Variants in JCAD observed in about 807,000 individuals in gnomAD.
JCAD encodes junctional cadherin 5 associated.
JCAD carries 40 observed loss-of-function variants against 98.0 expected under a neutral mutation model. The observed-to-expected ratio is 0.41, with a 90% CI of 0.32 to 0.53. The LOEUF is 0.53. Among genes scored for constraint, JCAD ranks in the 20% least tolerant of loss-of-function variants. JCAD has a pLI of 0.31. For missense variants in JCAD, 1,705 were observed against 1,738.1 expected (o/e 0.98, Z 0.34); for synonymous variants, 691 against 682.3 (o/e 1.01, Z -0.20).
chr10:30,038,441 T>A (rs1237352803), intron 2 of JCAD, among the ~76,000 whole-genome samples: 1 of 151,970 alleles, frequency 6.6e-6, no homozygotes, highest in Non-Finnish European at 1.5e-5. Context: ...CCCAGCACTT[T>A]GAGACGCTGA....
chr10:30,095,807 C>T (rs1242834591), intron 1 of JCAD, among the ~76,000 whole-genome samples: 1 of 152,044 alleles, frequency 6.6e-6, no homozygotes, highest in African/African-American at 2.4e-5. Flanking sequence ...TTCTATAAGC[C>T]CAGCCTTGCC....
upstream of JCAD, among the ~76,000 whole-genome samples, chr10:30,062,849 C>T (rs1031735194): frequency 6.6e-6 from 1 of 152,132 alleles, no homozygotes; most frequent in African/African-American, 2.4e-5. Flanking sequence ...ACTATTACAA[C>T]CCAAGGTGAG....
intron 1 of JCAD, among the ~76,000 whole-genome samples, chr10:30,099,870 C>T (rs1243917057): frequency 2.0e-5 from 3 of 152,170 alleles, no homozygotes; most frequent in Admixed American, 2.0e-4. Context: ...TCCACCCTGA[C>T]TCATTGCGAT....
chr10:30,092,636 T>C (rs1284403685), intron 1 of JCAD, among the ~76,000 whole-genome samples: 1 of 152,128 alleles, frequency 6.6e-6, no homozygotes, highest in African/African-American at 2.4e-5. Context: ...CTCCTTCCTG[T>C]GGGCAGGATG....
At position 30,029,187 on chromosome 10, in the gene JCAD, C is replaced by T. The variant is rs754423094; in HGVS notation, c.961G>A (p.Ala321Thr). The change falls in exon 3 of 4, where the codon GCC (alanine) becomes ACC (threonine). Residue 321 changes from alanine (A) to threonine (T), a missense_variant. Ala to Thr is a moderately conservative substitution (Grantham distance 58). Transcript: ENST00000375377. Reference protein sequence around the residue: ...SDSQDSQQMDAYVPRHELCLS... With the variant: ...SDSQDSQQMDTYVPRHELCLS... ...CAGAGCTCATGCCTGGGGACATAGGCGTCCATCTGCTGGCTGTCCTGAGAG... is the reference window on the plus strand; with the variant it reads ...CAGAGCTCATGCCTGGGGACATAGGTGTCCATCTGCTGGCTGTCCTGAGAG... The T allele has an allele frequency of 5.6e-5, 90 of 1,614,110 alleles. No homozygotes were observed. The highest frequency in any genetic ancestry group is 8.9e-5 in the East Asian group (4 of 44,862).
rs1184356072 is a variant in JCAD at position 30,028,285 on chromosome 10, T to C, written c.1863A>G (p.Glu621=). The part of the protein sequence containing the change: ...NGSDKSPALQ[E]QSLLSMSSTD... ...TGGAAGACATGCTCAGCAGACTCTG[T>C]TCTTGCAGAGCCGGGCTCTTATCAG... The change falls in exon 3 of 4, where the codon GAA becomes GAG. Residue 621 remains glutamate, a synonymous_variant. Coordinates refer to ENST00000375377, the MANE Select transcript of JCAD (RefSeq NM_020848.4). 3.1e-6 allele frequency: 5 copies of C among 1,614,130 alleles called. No individual in the cohort carries two copies. In the African/African-American group the frequency reaches 4.0e-5, roughly 13 times the overall value.
chr10:30,114,595 A>C (rs935629500), intron 1 of JCAD, among the ~76,000 whole-genome samples: 30 of 151,834 alleles, frequency 2.0e-4, no homozygotes, highest in African/African-American at 6.5e-4. Flanking sequence ...AAAAAAAAAA[A>C]AAAAACCAGG....
intron 1 of JCAD, among the ~76,000 whole-genome samples, chr10:30,080,634 C>T (rs1827918182): frequency 6.6e-6 from 1 of 152,160 alleles, no homozygotes; most frequent in African/African-American, 2.4e-5. Flanking sequence ...AGTTCCCAAT[C>T]TCATGATTCA....
At chr10:30,073,295 T>C (rs1837926768) in intron 1 of JCAD, among the ~76,000 whole-genome samples, 1 of 152,232 alleles carries the variant, frequency 6.6e-6, no homozygotes, top group Non-Finnish European at 1.5e-5. Context: ...CATATGATAA[T>C]GATCCACAGT....
chr10:30,035,122 T>C (rs1253548849), intron 2 of JCAD, among the ~76,000 whole-genome samples: 1 of 152,176 alleles, frequency 6.6e-6, no homozygotes, highest in Non-Finnish European at 1.5e-5. Context: ...CTTGTGCAAG[T>C]ACACGCCACG....
intron 1 of JCAD, among the ~76,000 whole-genome samples, chr10:30,114,897 CA>C (rs554395682): frequency 8.1e-4 from 123 of 151,974 alleles, no homozygotes; most frequent in African/African-American, 2.9e-3. Context: ...GAAATATAAA[CA>C]GATAAAAACA....
intron 1 of JCAD, among the ~76,000 whole-genome samples, chr10:30,074,190 T>C (rs1284360248): frequency 1.3e-5 from 2 of 152,128 alleles, no homozygotes; most frequent in African/African-American, 2.4e-5. Flanking sequence ...ATCTCCTCCA[T>C]TGGATATTGA....
chr10:30,086,068 A>G (rs918350115), intron 1 of JCAD, among the ~76,000 whole-genome samples: 1 of 152,188 alleles, frequency 6.6e-6, no homozygotes, highest in Non-Finnish European at 1.5e-5. Flanking sequence ...TGTCAGCATT[A>G]AACTATCACC....
chr10:30,018,055 C>T (rs1836574997), intron 3 of JCAD, 138 bp from the exon 4 acceptor site: 5 of 653,340 alleles, frequency 7.7e-6, no homozygotes, highest in Non-Finnish European at 1.3e-5. Flanking sequence ...TTTTAACAAT[C>T]ATGTTTTCAC....
chr10:30,065,613 T>C (rs527703472), intron 2 of JCAD, among the ~76,000 whole-genome samples: 2 of 152,064 alleles, frequency 1.3e-5, no homozygotes, highest in South Asian at 4.2e-4. Context: ...GCCATCTTCC[T>C]CCCTCAGCCT....
chr10:30,042,688 GA>G (rs1351198641), intron 2 of JCAD, among the ~76,000 whole-genome samples: 3 of 152,236 alleles, frequency 2.0e-5, no homozygotes, highest in East Asian at 3.9e-4. Context: ...AATCCAGGGG[GA>G]CACCTTCTCA....
rs1179600128 is a variant in JCAD, at chr10:30,086,761, CATGTG to C, written n.129-16945_129-16941del. ...GATTCAAACTCTTTCCAATCTGATGCATGTGATTTGAAAATGCTCCTATACCTTTT... is the reference window on the plus strand; with the variant it reads ...GATTCAAACTCTTTCCAATCTGATGCATTTGAAAATGCTCCTATACCTTTT... On this transcript the variant is annotated intron_variant and non_coding_transcript_variant, in intron 1 of 2. Coordinates refer to the JCAD transcript ENST00000465712. Among the ~76,000 whole-genome samples, 4 of 152,312 alleles carry C rather than the reference CATGTG, an allele frequency of 2.6e-5. No homozygotes were observed. The East Asian group carries it at 7.7e-4, about 29-fold the overall frequency.
At chr10:30,082,975 A>C (rs940485488) in intron 1 of JCAD, among the ~76,000 whole-genome samples, 2 of 151,738 alleles carry the variant, frequency 1.3e-5, no homozygotes, top group African/African-American at 2.4e-5. Context: ...CAGAGGTTGC[A>C]TTGAGCCAAG....
At chr10:30,058,405 T>G (rs1306865952) in intron 1 of JCAD, among the ~76,000 whole-genome samples, 1 of 151,924 alleles carries the variant, frequency 6.6e-6, no homozygotes, top group African/African-American at 2.4e-5. Flanking sequence ...GGGGAGGTGA[T>G]GTGCCCAAGC....
Sources: allele counts gnomAD v4.1 joint callset (sites outside exome capture counted in the v4.1 genomes callset), GRCh38; gene constraint gnomAD v4.1.1; transcripts MANE v1.5; gene names NCBI Gene and HGNC (gene_info 2026-07-23, HGNC 2026-07-21).